Variants in ERICH5 observed in about 807,000 individuals in gnomAD.
ERICH5 encodes the protein glutamate rich 5.
ERICH5 carries 24 observed loss-of-function variants against 28.0 expected under a neutral mutation model. The ratio of observed to expected loss-of-function variants is 0.86; its 90% CI spans 0.62 to 1.21. The LOEUF (loss-of-function observed/expected upper bound fraction) is 1.21, where lower values mean the gene tolerates loss of function less well. ERICH5 is among the 50% of genes most tolerant of loss of function. The probability of loss-of-function intolerance (pLI) is 0.00; values close to 1 mark genes in which losing one functional copy is unlikely to be tolerated. For missense variants in ERICH5, 421 were observed against 441.2 expected (o/e 0.95, Z 0.41); for synonymous variants, 163 against 157.6 (o/e 1.03, Z -0.25).
Position 98,064,650 on chromosome 8 carries a change from A to G in ERICH5, c.-20A>G, listed in dbSNP as rs1270831277. ...GCCGACACCCGCGCAGGGCTGAGAC[A>G]GGTGTCTGCGCTCCCCGCAATGGGC... On this transcript the variant is annotated 5_prime_UTR_variant, in exon 1 of 3. Transcript: ENST00000318528. 4 of 1,518,664 alleles carry G rather than the reference A, an allele frequency of 2.6e-6. No homozygotes were observed. Among genetic ancestry groups the G allele is most frequent in the Middle Eastern group, 1.8e-4 (1 of 5,644 alleles). The allele number at this position is 1,518,664 out of a possible 1,614,324, so 94.1% of individuals were successfully genotyped here. A position where few individuals can be genotyped will look rare whatever the true frequency, so the allele number is the denominator to read the frequency against.
intron 1 of ERICH5, among the ~76,000 whole-genome samples, chr8:98,067,232 C>T (rs1814834295): frequency 6.6e-6 from 1 of 151,954 alleles, no homozygotes; most frequent in Non-Finnish European, 1.5e-5. Flanking sequence ...GCCAGGAGTT[C>T]AAGGCCAGCC....
chr8:98,082,109 A>G (rs1815193557), intron 1 of ERICH5, among the ~76,000 whole-genome samples: 1 of 152,112 alleles, frequency 6.6e-6, no homozygotes, highest in Non-Finnish European at 1.5e-5. Flanking sequence ...GAGTGCAATT[A>G]ATCAATATAA....
Position 98,085,136 on chromosome 8 carries a change from C to CTTTTTTTTTT in ERICH5, c.59-3907_59-3898dup, listed in dbSNP as rs760470751. On this transcript the variant is annotated intron_variant, in intron 1 of 2. Coordinates refer to ENST00000318528, the MANE Select transcript of ERICH5 (RefSeq NM_173549.3). ...TTCCCTGGTGTGAACGTTCCACAGC[C>CTTTTTTTTTT]TTTTTTTTTTTTTTTTTTTTTTTTT... is the stretch of plus-strand genomic sequence containing the variant. 9.6e-4 allele frequency among the ~76,000 whole-genome samples: 55 copies of CTTTTTTTTTT among 57,318 alleles called. 15 individuals are homozygous for CTTTTTTTTTT. The highest frequency in any genetic ancestry group is 1.7e-3 in the Non-Finnish European group (47 of 28,402). 37.6% of individuals were successfully genotyped at this position (57,318 alleles called of 152,430 possible).
chr8:98,081,699 G>A (rs948349514), intron 1 of ERICH5, among the ~76,000 whole-genome samples: 1 of 152,136 alleles, frequency 6.6e-6, no homozygotes, highest in Non-Finnish European at 1.5e-5. Context: ...AGGCCAAGGC[G>A]AGCAGATCAC....
Position 98,081,359 on chromosome 8 carries a change from G to C in ERICH5, c.59-7717G>C, listed in dbSNP as rs372887368. On this transcript the variant is annotated intron_variant, in intron 1 of 2. Transcript: ENST00000318528. ...GGGCTCAAGTGATCCACCTGCCTTG[G>C]CCTCCCACAGTGCTGAGATTACAAG... Among the ~76,000 whole-genome samples, 18 of 152,200 alleles carry C rather than the reference G, an allele frequency of 1.2e-4. 2 individuals carry two copies. Among genetic ancestry groups the C allele is most frequent in the African/African-American group, 4.1e-4 (17 of 41,524 alleles).
rs115352417 is a variant in ERICH5, at chr8:98,064,628, G to C, written c.-42G>C. ...TGCCTTCGGTTCCCGGTTCCGGGCC[G>C]ACACCCGCGCAGGGCTGAGACAGGT... On this transcript the variant is annotated 5_prime_UTR_variant, in exon 1 of 3. Transcript: ENST00000318528. The C allele has an allele frequency of 3.7e-3, 5,453 of 1,470,270 alleles. 172 individuals carry two copies. The African/African-American group carries it at 0.069, about 19-fold the overall frequency. 91.1% of individuals were successfully genotyped at this position (1,470,270 alleles called of 1,614,324 possible). A position where few individuals can be genotyped will look rare whatever the true frequency, so the allele number is the denominator to read the frequency against.
At chr8:98,085,609 G>T (rs1815262366) in intron 1 of ERICH5, among the ~76,000 whole-genome samples, 1 of 152,116 alleles carries the variant, frequency 6.6e-6, no homozygotes, top group Non-Finnish European at 1.5e-5. Flanking sequence ...ATACCTATAA[G>T]TTAAATGGCT....
In ERICH5 at chr8:98,093,306, A is replaced by G. The variant is rs1410680706; in HGVS notation, c.1098A>G (p.Glu366=). Reference sequence around the variant, plus strand: ...AAACCAAAGAAGAAGAAACAGGAGAAGTGGTGGACCTTTCAGCAGCCACAT... The same window carrying G: ...AAACCAAAGAAGAAGAAACAGGAGAGGTGGTGGACCTTTCAGCAGCCACAT... The part of the protein sequence containing the change: ...GAETKEEETG[E]VVDLSAAT The change falls in exon 3 of 3, where the codon GAA becomes GAG. Residue 366 remains glutamate (E), a synonymous_variant. Coordinates refer to ENST00000318528, the MANE Select transcript of ERICH5 (RefSeq NM_173549.3). The G allele has an allele frequency of 6.2e-7, 1 of 1,613,876 alleles. No homozygotes were observed. Among genetic ancestry groups the G allele is most frequent in the Non-Finnish European group, 8.5e-7 (1 of 1,179,892 alleles).
intron 2 of ERICH5, among the ~76,000 whole-genome samples, chr8:98,091,627 C>G (rs79170142): frequency 0.057 from 8,694 of 152,298 alleles, 359 homozygotes; most frequent in Non-Finnish European, 0.09. Flanking sequence ...AGCCATGGAA[C>G]TAGGGCCAAT....
At chr8:98,073,538 A>C in intron 1 of ERICH5, among the ~76,000 whole-genome samples, 1 of 35,726 alleles carries the variant, frequency 2.8e-5, no homozygotes, top group African/African-American at 1.2e-4. Context: ...ATATATATAT[A>C]TATATATAAT....
At chr8:98,067,341 C>CTGTACCAGCTA (rs1458209001) in intron 1 of ERICH5, among the ~76,000 whole-genome samples, 3 of 151,634 alleles carry the variant, frequency 2.0e-5, no homozygotes, top group Non-Finnish European at 4.4e-5. Context: ...GCCAGTAGTC[C>CTGTACCAGCTA]CAGCTACTCA....
At chr8:98,073,446 A>C (rs1389775081) in intron 1 of ERICH5, among the ~76,000 whole-genome samples, 2,317 of 15,140 alleles carry the variant, frequency 0.15, 506 homozygotes, top group East Asian at 0.36. Flanking sequence ...ATATATATAT[A>C]TATATATATA....
intron 2 of ERICH5, among the ~76,000 whole-genome samples, chr8:98,091,891 TCTTTCTTTC>T (rs1399526831): frequency 0.02 from 1,470 of 74,318 alleles, 26 homozygotes; most frequent in Middle Eastern, 0.041. Context: ...TTTCTTTCTT[TCTTTCTTTC>T]CTTTCTTTCT....
At chr8:98,077,939 G>A (rs755650477) in intron 1 of ERICH5, among the ~76,000 whole-genome samples, 2 of 152,274 alleles carry the variant, frequency 1.3e-5, no homozygotes, top group East Asian at 3.9e-4. Flanking sequence ...TTTACTTTGT[G>A]ATGATCAAAA....
At chr8:98,072,185 G>A (rs1205095914) in intron 1 of ERICH5, among the ~76,000 whole-genome samples, 1 of 152,216 alleles carries the variant, frequency 6.6e-6, no homozygotes, top group Non-Finnish European at 1.5e-5. Flanking sequence ...CAGCCTGTGA[G>A]AATGGTTTAT....
At chr8:98,077,906 G>A (rs546288478) in intron 1 of ERICH5, among the ~76,000 whole-genome samples, 2 of 152,134 alleles carry the variant, frequency 1.3e-5, no homozygotes, top group African/African-American at 4.8e-5. Context: ...TCAACATTAA[G>A]TTTATCATCC....
intron 1 of ERICH5, among the ~76,000 whole-genome samples, chr8:98,081,782 G>T (rs1350759389): frequency 6.6e-6 from 1 of 152,106 alleles, no homozygotes; most frequent in Admixed American, 6.5e-5. Flanking sequence ...TACAAAATTA[G>T]CCAGGCATGG....
At chr8:98,077,042 C>T (rs1050136001) in intron 1 of ERICH5, among the ~76,000 whole-genome samples, 2 of 151,652 alleles carry the variant, frequency 1.3e-5, no homozygotes, top group African/African-American at 2.4e-5. Context: ...GCAGGAGGAT[C>T]GCTTCAGGCC....
intron 2 of ERICH5, among the ~76,000 whole-genome samples, chr8:98,091,993 C>CCCTTCCTTCCTTCCTACCTT (rs1554621764): frequency 1.8e-5 from 1 of 55,024 alleles, no homozygotes; most frequent in Non-Finnish European, 3.6e-5. Context: ...TCTCTCTCTC[C>CCCTTCCTTCCTTCCTACCTT]CCTTCCTTCC....
Sources: gnomAD v4.1 joint callset for allele counts (sites outside exome capture counted in the v4.1 genomes callset) on GRCh38, gnomAD v4.1.1 for gene constraint, MANE v1.5 for transcripts, NCBI Gene and HGNC (gene_info 2026-07-23, HGNC 2026-07-21) for gene names.